The following CCDC60 variants were observed in gnomAD, a reference collection of about 807,000 sequenced individuals.
CCDC60 encodes coiled-coil domain-containing protein 60.
Under a neutral mutation model 63.5 loss-of-function variants are expected in CCDC60, and 54 were observed. That is an observed-to-expected ratio of 0.85 (90% CI 0.68 to 1.07). The LOEUF (loss-of-function observed/expected upper bound fraction) is 1.07, where lower values mean the gene tolerates loss of function less well. Ranked by LOEUF, CCDC60 falls within the 50% of genes least tolerant of loss-of-function variation. The pLI is 0.00. For missense variants in CCDC60, 651 were observed against 684.3 expected, an observed-to-expected ratio of 0.95 and a Z score of 0.54; for synonymous variants, 206 against 238.8, an observed-to-expected ratio of 0.86 and a Z score of 1.27.
rs554207770 is a variant in CCDC60 at position 119,379,105 on chromosome 12, G to T, written c.90+43839G>T. 2.0e-5 allele frequency among the ~76,000 whole-genome samples: 3 copies of T among 152,210 alleles called. No homozygotes were observed. The East Asian group carries it at 5.8e-4, about 29-fold the overall frequency. ...CCAATTCCAGCATTGAAGAGGAGAA[G>T]AAAAAAAGAAAACACTAGGAGCTCA... On this transcript the variant is annotated intron_variant, in intron 1 of 13. Transcript: ENST00000327554.
At chr12:119,376,122 A>T (rs910603457) in intron 1 of CCDC60, among the ~76,000 whole-genome samples, 1 of 152,340 alleles carries the variant, frequency 6.6e-6, no homozygotes, top group East Asian at 1.9e-4. Context: ...TTCATTAATA[A>T]CAAAGAAAGC....
intron 7 of CCDC60, among the ~76,000 whole-genome samples, chr12:119,510,754 C>T (rs1401406717): frequency 6.6e-6 from 1 of 152,146 alleles, no homozygotes; most frequent in Non-Finnish European, 1.5e-5. Context: ...GCTGCCAGAA[C>T]TCCAGCCGTC....
intron 1 of CCDC60, among the ~76,000 whole-genome samples, chr12:119,350,170 ATTAT>A (rs10534165): frequency 0.32 from 46,273 of 144,458 alleles, 7,606 homozygotes; most frequent in Middle Eastern, 0.48. Flanking sequence ...TCTTTGCTTT[ATTAT>A]TTATTTATTT....
At chr12:119,470,771 C>A (rs910804182) in intron 2 of CCDC60, among the ~76,000 whole-genome samples, 5 of 152,088 alleles carry the variant, frequency 3.3e-5, no homozygotes, top group African/African-American at 1.2e-4. Context: ...TAGGTGCCCC[C>A]TTCCCCAAAG....
Position 119,410,201 on chromosome 12 carries a change from C to G in CCDC60, c.91-18482C>G, listed in dbSNP as rs73217268. ...GGAAAGAGTGTGTGTGTGTGTGTGT[C>G]TGTGTGTGTGTGTGTGTGTGGTTTC... On this transcript the variant is annotated intron_variant, in intron 1 of 13. Transcript: ENST00000327554. This position sits in a 1 kb window ranked among gnomAD's most constrained non-coding sequence, Gnocchi z 4.0. 0.033 allele frequency among the ~76,000 whole-genome samples: 1,026 copies of G among 31,358 alleles called. 10 individuals are homozygous for G. Among genetic ancestry groups the G allele is most frequent in the African/African-American group, 0.061 (873 of 14,222 alleles). The allele number at this position is 31,358 out of a possible 152,430, so 20.6% of individuals were successfully genotyped here.
chr12:119,375,905 A>G (rs1219815067), intron 1 of CCDC60, among the ~76,000 whole-genome samples: 1 of 152,176 alleles, frequency 6.6e-6, no homozygotes, highest in South Asian at 2.1e-4. Flanking sequence ...AGCTCTTAGT[A>G]TAAAGTCTGA....
At chr12:119,513,226 T>C (rs1223699837) in intron 7 of CCDC60, among the ~76,000 whole-genome samples, 1 of 152,218 alleles carries the variant, frequency 6.6e-6, no homozygotes, top group Non-Finnish European at 1.5e-5. Flanking sequence ...ACTTCCACTC[T>C]CCCACTTTTC....
intron 2 of CCDC60, among the ~76,000 whole-genome samples, chr12:119,435,366 G>C (rs929310903): frequency 6.6e-6 from 1 of 152,194 alleles, no homozygotes; most frequent in Non-Finnish European, 1.5e-5. Context: ...TTAATCAAGA[G>C]ATAAGATAGC....
At chr12:119,400,992 C>T (rs1473664699) in intron 1 of CCDC60, among the ~76,000 whole-genome samples, 1 of 152,228 alleles carries the variant, frequency 6.6e-6, no homozygotes, top group Non-Finnish European at 1.5e-5. Context: ...CATGACAGAC[C>T]TTCAAAGTCA....
chr12:119,419,753 G>C (rs1172140627), intron 1 of CCDC60, among the ~76,000 whole-genome samples: 2 of 151,910 alleles, frequency 1.3e-5, no homozygotes, highest in Non-Finnish European at 2.9e-5. Flanking sequence ...GTTCTCAGTA[G>C]AGGACTTGCT....
At chr12:119,508,779 C>T (rs985941217) in intron 7 of CCDC60, among the ~76,000 whole-genome samples, 1 of 152,138 alleles carries the variant, frequency 6.6e-6, no homozygotes, top group Non-Finnish European at 1.5e-5. Context: ...AGGGACTAGA[C>T]CTGATCTACT....
At chr12:119,371,648 T>C (rs1215321327) in intron 1 of CCDC60, among the ~76,000 whole-genome samples, 1 of 152,224 alleles carries the variant, frequency 6.6e-6, no homozygotes, top group Non-Finnish European at 1.5e-5. Flanking sequence ...AAGTTGCTGT[T>C]TCAATTTTCT....
intron 4 of CCDC60, among the ~76,000 whole-genome samples, chr12:119,488,266 T>A (rs1311404909): frequency 1.3e-5 from 2 of 152,202 alleles, no homozygotes; most frequent in Non-Finnish European, 2.9e-5. Flanking sequence ...GAAGAACAAT[T>A]AATACACTAG....
At chr12:119,477,004 C>T (rs1004643844) in intron 3 of CCDC60, among the ~76,000 whole-genome samples, 17 of 152,256 alleles carry the variant, frequency 1.1e-4, no homozygotes, top group Non-Finnish European at 1.9e-4. Flanking sequence ...ACTTCTTTCT[C>T]TCATAAATCT....
At chr12:119,471,267 A>G (rs1951051548) in intron 2 of CCDC60, among the ~76,000 whole-genome samples, 1 of 152,236 alleles carries the variant, frequency 6.6e-6, no homozygotes, top group Non-Finnish European at 1.5e-5. Flanking sequence ...ATGTTATTTG[A>G]CACAGCAAGA....
intron 1 of CCDC60, among the ~76,000 whole-genome samples, chr12:119,415,141 A>G (rs1192406988): frequency 1.3e-5 from 2 of 152,204 alleles, no homozygotes. Flanking sequence ...CCATTCACTT[A>G]GACTAAAATG....
chr12:119,511,690 T>C (rs1211724402), intron 7 of CCDC60, among the ~76,000 whole-genome samples: 1 of 152,196 alleles, frequency 6.6e-6, no homozygotes, highest in Non-Finnish European at 1.5e-5. Flanking sequence ...TCTCTGGGGA[T>C]ATAATTTGAC....
chr12:119,442,068 A>G (rs907210721), intron 2 of CCDC60, among the ~76,000 whole-genome samples: 1 of 152,300 alleles, frequency 6.6e-6, no homozygotes, highest in Non-Finnish European at 1.5e-5. Context: ...TAATAAAACT[A>G]TCCATAATTA....
chr12:119,506,027 C>G (rs1951990319), intron 7 of CCDC60, among the ~76,000 whole-genome samples: 1 of 151,918 alleles, frequency 6.6e-6, no homozygotes, highest in Admixed American at 6.6e-5. Flanking sequence ...ATTTACATAC[C>G]ATAAAATTCG....
Sources: gnomAD v4.1 joint callset for allele counts (sites outside exome capture counted in the v4.1 genomes callset) on GRCh38, gnomAD v4.1.1 for gene constraint, Gnocchi (gnomAD v3.1) non-coding constraint, MANE v1.5 for transcripts, NCBI Gene and HGNC (gene_info 2026-07-23, HGNC 2026-07-21) for gene names.